The following TC2N variants were observed in gnomAD, a reference collection of about 807,000 sequenced individuals.
TC2N encodes the protein tandem C2 domains nuclear protein.
A neutral mutation model predicts 61.9 loss-of-function variants in TC2N; 51 were observed. The observed-to-expected ratio is 0.82, with a 90% CI of 0.66 to 1.04. TC2N has a LOEUF of 1.04. TC2N is among the 50% of genes least tolerant of loss of function. TC2N has a pLI of 0.00. For missense variants in TC2N, 556 were observed against 566.7 expected, an observed-to-expected ratio of 0.98 and a Z score of 0.19; for synonymous variants, 204 against 192.6, an observed-to-expected ratio of 1.06 and a Z score of -0.49.
chr14:91,816,360 A>C (rs1289667260), intron 1 of TC2N, among the ~76,000 whole-genome samples: 1 of 151,854 alleles, frequency 6.6e-6, no homozygotes, highest in East Asian at 1.9e-4. Context: ...TTTAATTTAT[A>C]TCTCTCTTAT....
intron 7 of TC2N, 112 bp from the exon 8 acceptor site, chr14:91,798,013 T>C (rs1237500515): frequency 2.8e-6 from 2 of 705,788 alleles, no homozygotes; most frequent in African/African-American, 1.8e-5. Context: ...AATAAACTTG[T>C]CTACTGAGAC....
rs1384662117 is a variant in TC2N at position 91,799,122 on chromosome 14, T to C, written c.562-58A>G. The stretch of plus-strand genomic sequence containing the variant: ...GCATATGAAACCTTAAGGATTCTGA[T>C]ACATATGCCTCAATATCCATCCTAG... On this transcript the variant is annotated intron_variant, in intron 5 of 11. Transcript: ENST00000435962. 6.5e-6 allele frequency: 7 copies of C among 1,079,176 alleles called. No homozygotes were observed. In the East Asian group the frequency reaches 1.3e-4, roughly 20 times the overall value. The allele number at this position is 1,079,176 out of a possible 1,614,324, so 66.9% of individuals were successfully genotyped here. A position where few individuals can be genotyped will look rare whatever the true frequency, so the allele number is the denominator to read the frequency against.
intron 1 of TC2N, among the ~76,000 whole-genome samples, chr14:91,865,585 A>T (rs967078826): frequency 5.9e-5 from 9 of 152,106 alleles, no homozygotes; most frequent in Admixed American, 2.6e-4. Flanking sequence ...TTTTTCAGAT[A>T]AAAAAATATT....
chr14:91,835,747 A>G (rs1280344830), intron 1 of TC2N, among the ~76,000 whole-genome samples: 1 of 152,254 alleles, frequency 6.6e-6, no homozygotes, highest in Non-Finnish European at 1.5e-5. Flanking sequence ...GCCACTTCAC[A>G]AAGTTTCAGA....
At position 91,837,600 on chromosome 14, in the gene TC2N, C is replaced by T. The variant is rs1188128248; in HGVS notation, c.-56-23775G>A. Reference sequence around the variant, plus strand: ...CTTTTCCTTCTGGAGAGCAGTCTTTCCCAGAGTGAGTTCTGTCCATCTCAA... The same window carrying T: ...CTTTTCCTTCTGGAGAGCAGTCTTTTCCAGAGTGAGTTCTGTCCATCTCAA... On this transcript the variant is annotated intron_variant, in intron 1 of 11. Transcript: ENST00000435962. This position sits in a 1 kb window ranked among gnomAD's most constrained non-coding sequence, Gnocchi z 4.2. 6.6e-6 allele frequency among the ~76,000 whole-genome samples: 1 copy of T among 152,184 alleles called. No individual in the cohort carries two copies.
intron 1 of TC2N, among the ~76,000 whole-genome samples, chr14:91,823,175 T>G (rs185317402): frequency 6.6e-6 from 1 of 151,902 alleles, no homozygotes; most frequent in Non-Finnish European, 1.5e-5. Context: ...TTACAGAACA[T>G]TAACAGAAAA....
At chr14:91,859,570 A>C (rs1275249402) in intron 1 of TC2N, among the ~76,000 whole-genome samples, 1 of 152,226 alleles carries the variant, frequency 6.6e-6, no homozygotes, top group Non-Finnish European at 1.5e-5. Flanking sequence ...GTAAGTCTAC[A>C]TTATGAACAA....
At chr14:91,863,008 C>T (rs1888625232) in intron 1 of TC2N, among the ~76,000 whole-genome samples, 1 of 152,184 alleles carries the variant, frequency 6.6e-6, no homozygotes, top group Non-Finnish European at 1.5e-5. Flanking sequence ...TTAATAGTGC[C>T]TTTGCTCAAC....
intron 1 of TC2N, among the ~76,000 whole-genome samples, chr14:91,830,597 A>G (rs1430813660): frequency 6.6e-6 from 1 of 151,956 alleles, no homozygotes; most frequent in Non-Finnish European, 1.5e-5. Flanking sequence ...TTTTTTTAGG[A>G]GGGTGACAAG....
At chr14:91,830,201 C>A (rs958840429) in intron 1 of TC2N, among the ~76,000 whole-genome samples, 34 of 152,240 alleles carry the variant, frequency 2.2e-4, no homozygotes, top group Admixed American at 1.3e-3. Flanking sequence ...AGTAAATATA[C>A]CTATGAGCAT....
intron 1 of TC2N, among the ~76,000 whole-genome samples, chr14:91,857,661 G>T (rs560173384): frequency 6.6e-6 from 1 of 152,174 alleles, no homozygotes; most frequent in Non-Finnish European, 1.5e-5. Context: ...AAGTGGCAGG[G>T]TTGAGACCCA....
intron 1 of TC2N, among the ~76,000 whole-genome samples, chr14:91,843,333 G>A (rs887349692): frequency 2.0e-5 from 3 of 151,996 alleles, no homozygotes; most frequent in Non-Finnish European, 4.4e-5. Flanking sequence ...ACCCCATCAT[G>A]ACCCCAGAGT....
chr14:91,839,169 C>T (rs1199183530), intron 1 of TC2N, among the ~76,000 whole-genome samples: 1 of 152,160 alleles, frequency 6.6e-6, no homozygotes, highest in African/African-American at 2.4e-5. Context: ...CTTTGTGACT[C>T]AGCCCAAGCC....
chr14:91,840,035 T>TGAGC (rs1888135277), intron 1 of TC2N, among the ~76,000 whole-genome samples: 1 of 152,196 alleles, frequency 6.6e-6, no homozygotes, highest in South Asian at 2.1e-4. Context: ...TAAGAACAGG[T>TGAGC]GAGCCTTCAC....
At chr14:91,803,370 C>T (rs1320159658) in intron 3 of TC2N, among the ~76,000 whole-genome samples, 1 of 138,146 alleles carries the variant, frequency 7.2e-6, no homozygotes, top group African/African-American at 2.8e-5. Flanking sequence ...TAATCATATA[C>T]ATACATATAT....
intron 1 of TC2N, among the ~76,000 whole-genome samples, chr14:91,826,432 G>A (rs1160405268): frequency 6.6e-6 from 1 of 151,330 alleles, no homozygotes; most frequent in East Asian, 1.9e-4. Context: ...AACTATGACT[G>A]TGGATATATC....
At chr14:91,788,971 A>C (rs140097079) in intron 9 of TC2N, among the ~76,000 whole-genome samples, 1 of 147,952 alleles carries the variant, frequency 6.8e-6, no homozygotes, top group Non-Finnish European at 1.5e-5. Flanking sequence ...TAAAAAAAAA[A>C]CCTTTGCTGA....
intron 9 of TC2N, among the ~76,000 whole-genome samples, chr14:91,790,561 T>A (rs1011776832): frequency 6.6e-6 from 1 of 152,222 alleles, no homozygotes; most frequent in Admixed American, 6.5e-5. Flanking sequence ...AAATCTCTGA[T>A]ACATGAAATA....
At chr14:91,814,170 G>A (rs1351872800) in intron 1 of TC2N, among the ~76,000 whole-genome samples, 1 of 150,686 alleles carries the variant, frequency 6.6e-6, no homozygotes, top group Non-Finnish European at 1.5e-5. Flanking sequence ...GAGAGAGAGA[G>A]AAGGGACAGT....
Sources: allele counts gnomAD v4.1 joint callset (sites outside exome capture counted in the v4.1 genomes callset), GRCh38; gene constraint gnomAD v4.1.1; non-coding constraint Gnocchi (gnomAD v3.1); transcripts MANE v1.5; gene names NCBI Gene and HGNC (gene_info 2026-07-23, HGNC 2026-07-21).